Variants in PSG4 observed in about 807,000 individuals in gnomAD.
PSG4 encodes the protein pregnancy specific beta-1-glycoprotein 4, also known as pregnancy-specific beta-1-glycoprotein 4.
In PSG4, 61 loss-of-function variants were observed where a neutral mutation model predicts 44.3. That is an observed-to-expected ratio of 1.38 (90% CI 1.12 to 1.70). The LOEUF (loss-of-function observed/expected upper bound fraction) is 1.70, where lower values mean the gene tolerates loss of function less well. Among genes scored for constraint, PSG4 ranks in the 40% most tolerant of loss-of-function variants. The pLI, the probability that PSG4 is intolerant of heterozygous loss-of-function variation, is 0.00. For missense variants in PSG4, 677 were observed against 511.7 expected, an observed-to-expected ratio of 1.32 and a Z score of -3.12; for synonymous variants, 248 against 191.3, an observed-to-expected ratio of 1.30 and a Z score of -2.45.
rs766882285 is a variant in PSG4 at position 43,204,157 on chromosome 19, T to C, written c.159A>G (p.Leu53=). The change falls in exon 2 of 6, where the codon CTA becomes CTG. Residue 53 remains leucine, a synonymous_variant. Coordinates refer to ENST00000405312, the MANE Select transcript of PSG4 (RefSeq NM_002780.5). ...PKVSEGKDVL[L]LVHNLPQNLA... is the part of the protein sequence containing the mutation. ...GATTCTGGGGCAAATTGTGGACAAG[T>C]AGAAGAACATCCTTCCCCTCAGAAA... 1.3e-6 allele frequency: 2 copies of C among 1,587,254 alleles called. No individual in the cohort carries two copies. Among genetic ancestry groups the C allele is most frequent in the Non-Finnish European group, 8.5e-7 (1 of 1,171,612 alleles).
At chr19:43,203,212 C>G (rs759035251) in intron 2 of PSG4, 1 of 146,648 alleles carries the variant, frequency 6.8e-6, no homozygotes, top group South Asian at 2.1e-4. Flanking sequence ...CCTTCTGTTT[C>G]TGCTTCTGGG....
chr19:43,193,459 T>C (rs1967095988), intron 5 of PSG4, 71 bp from the exon 6 acceptor site: 1 of 763,406 alleles, frequency 1.3e-6, no homozygotes, highest in Non-Finnish European at 2.4e-6. Context: ...TACTACAGTT[T>C]TTATTTTCCA....
Position 43,195,387 on chromosome 19 carries a change from G to T in PSG4, c.710-114C>A, listed in dbSNP as rs1967198410. On this transcript the variant is annotated intron_variant, in intron 3 of 5. Coordinates refer to ENST00000405312, the MANE Select transcript of PSG4 (RefSeq NM_002780.5). ...TCTCAGCCCACCCGAGTCCTTGAAA[G>T]CCAATAGCTGGTGCTTCTGTCACAA... The T allele has an allele frequency of 2.7e-6, 4 of 1,475,014 alleles. No homozygotes were observed. In the East Asian group the frequency reaches 9.1e-5, roughly 33 times the overall value. The allele number at this position is 1,475,014 out of a possible 1,614,324, so 91.4% of individuals were successfully genotyped here.
chr19:43,194,776 A>T, intron 4 of PSG4, 182 bp from the exon 5 acceptor site: 1 of 1,412,524 alleles, frequency 7.1e-7, no homozygotes, highest in Non-Finnish European at 9.5e-7. Flanking sequence ...CACAAGTTTT[A>T]GGCCCCAAGT....
intron 2 of PSG4, among the ~76,000 whole-genome samples, chr19:43,201,863 C>G (rs1967527418): frequency 7.0e-6 from 1 of 143,294 alleles, no homozygotes; most frequent in Non-Finnish European, 1.5e-5. Context: ...AAGAACTTGT[C>G]TGGCAATTAT....
chr19:43,194,878 G>C (rs1276069335), intron 4 of PSG4, 117 bp downstream of exon 4: 14 of 1,536,136 alleles, frequency 9.1e-6, no homozygotes, highest in African/African-American at 1.4e-5. Flanking sequence ...TGGCCACCTC[G>C]GATGTCCAGA....
intron 3 of PSG4, 148 bp downstream of exon 3, chr19:43,197,849 T>A (rs1396758812): frequency 3.3e-6 from 5 of 1,504,018 alleles, no homozygotes; most frequent in Non-Finnish European, 4.5e-6. Context: ...CCTACTCTGG[T>A]TTGCCTGGGG....
rs867580428 is a variant in PSG4 at position 43,202,317 on chromosome 19, C to A, written c.430+1569G>T. On this transcript the variant is annotated intron_variant, in intron 2 of 5. Transcript: ENST00000405312. ...GTGCCCCAGTTCCACAGTCCAGGAC[C>A]AAGGAGCCCAGAGAACCCTCTGGTG... Among the ~76,000 whole-genome samples the A allele has an allele frequency of 4.0e-3, 568 of 143,000 alleles. 52 individuals carry two copies. The highest frequency in any genetic ancestry group is 0.015 in the African/African-American group (556 of 36,712). The allele number at this position is 143,000 out of a possible 152,430, so 93.8% of individuals were successfully genotyped here. A position where few individuals can be genotyped will look rare whatever the true frequency, so the allele number is the denominator to read the frequency against.
Position 43,203,889 on chromosome 19 carries a change from G to A in PSG4, c.427C>T (p.His143Tyr), listed in dbSNP as rs1397538520. 3.1e-5 allele frequency: 49 copies of A among 1,579,076 alleles called. 7 individuals are homozygous for A. Among genetic ancestry groups the A allele is most frequent in the Middle Eastern group, 1.7e-4 (1 of 5,950 alleles). The change falls in exon 2 of 6, where the codon CAC (histidine) becomes TAC (tyrosine). Residue 143 changes from histidine to tyrosine, a missense_variant. Transcript: ENST00000405312. ...GGGATCATGTGGAATCACTCACGGTGTAAGGTGAAGGTGAAATGTCCAGTT... is the reference window on the plus strand; with the variant it reads ...GGGATCATGTGGAATCACTCACGGTATAAGGTGAAGGTGAAATGTCCAGTT... Reference protein sequence around the residue: ...GVTGHFTFTLHLETPKPSISS... With the variant: ...GVTGHFTFTLYLETPKPSISS...
chr19:43,194,463 G>A lies in PSG4; in HGVS notation c.1120C>T (p.Leu374=). Residue 374 remains leucine (L), a synonymous_variant, in exon 5 of 6, where the codon CTA becomes TTA. Transcript: ENST00000405312. ...YSWTINGKFQ[L]SGQKLSIPQI... ...GGGATAGAGAGCTTTTGTCCTGATA[G>A]CTGAAACTTCCCATTAATTGTCCAA... The A allele has an allele frequency of 2.5e-6, 4 of 1,612,490 alleles. No homozygotes were observed. The highest frequency in any genetic ancestry group is 3.4e-6 in the Non-Finnish European group (4 of 1,179,128).
At position 43,195,367 on chromosome 19, in the gene PSG4, G is replaced by T. The variant is rs1452554802; in HGVS notation, c.710-94C>A. On this transcript the variant is annotated intron_variant, in intron 3 of 5. Coordinates refer to ENST00000405312, the MANE Select transcript of PSG4 (RefSeq NM_002780.5). Reference sequence around the variant, plus strand: ...CAGAGTTGGCATCTCCCACCTCTCAGCCCACCCGAGTCCTTGAAAGCCAAT... The same window carrying T: ...CAGAGTTGGCATCTCCCACCTCTCATCCCACCCGAGTCCTTGAAAGCCAAT... The T allele has an allele frequency of 1.4e-5, 22 of 1,528,108 alleles. 2 individuals carry two copies. Among genetic ancestry groups the T allele is most frequent in the Non-Finnish European group, 2.0e-5 (22 of 1,127,046 alleles). The allele number at this position is 1,528,108 out of a possible 1,614,324, so 94.7% of individuals were successfully genotyped here.
chr19:43,205,235 G>A (rs534572240), intron 1 of PSG4, among the ~76,000 whole-genome samples: 1 of 140,376 alleles, frequency 7.1e-6, no homozygotes, highest in Non-Finnish European at 1.5e-5. Context: ...AGCCTCCTGA[G>A]TAGCTATGAT....
At position 43,193,183 on chromosome 19, in the gene PSG4, T is replaced by G; in HGVS notation, c.*189A>C. On this transcript the variant is annotated 3_prime_UTR_variant, in exon 6 of 6. Coordinates refer to ENST00000405312, the MANE Select transcript of PSG4 (RefSeq NM_002780.5). ...TCAACTTGTTATCCTGGTTTACAGT[T>G]TGAGTAGCTGTTGTTATGGTGTCGA... is the stretch of plus-strand genomic sequence containing the variant. The G allele has an allele frequency of 1.3e-6, 1 of 747,186 alleles. No homozygotes were observed. Among genetic ancestry groups the G allele is most frequent in the South Asian group, 1.4e-5 (1 of 72,812 alleles). 46.3% of individuals were successfully genotyped at this position (747,186 alleles called of 1,614,324 possible). A position where few individuals can be genotyped will look rare whatever the true frequency, so the allele number is the denominator to read the frequency against.
At chr19:43,194,713 C>G in intron 4 of PSG4, 119 bp from the exon 5 acceptor site, 3 of 1,481,206 alleles carry the variant, frequency 2.0e-6, no homozygotes, top group Non-Finnish European at 2.7e-6. Context: ...CCCAGCCAAA[C>G]TCCCTCTATG....
At chr19:43,193,835 A>G (rs780889550) in intron 5 of PSG4, 7 of 585,518 alleles carry the variant, frequency 1.2e-5, no homozygotes, top group Non-Finnish European at 2.2e-5. Flanking sequence ...AAGAGAGCAG[A>G]TTGTTACTGT....
intron 5 of PSG4, 187 bp from the exon 6 acceptor site, chr19:43,193,575 T>C: frequency 1.6e-6 from 1 of 617,842 alleles, no homozygotes; most frequent in South Asian, 2.0e-5. Context: ...GGTCTGATTC[T>C]TTACATAAGT....
At position 43,200,493 on chromosome 19, in the gene PSG4, T is replaced by C. The variant is rs931726644; in HGVS notation, c.431-2218A>G. Among the ~76,000 whole-genome samples the C allele has an allele frequency of 7.6e-5, 11 of 145,630 alleles. 3 individuals carry two copies. The highest frequency in any genetic ancestry group is 2.9e-4 in the African/African-American group (11 of 37,968). On this transcript the variant is annotated intron_variant, in intron 2 of 5. Transcript: ENST00000405312. ...TTCCTGTTTCAGTTTTGGAAGTTTC[T>C]ATTGACACATCCTCAAGCTGGGGGT...
rs180863535 is a variant in PSG4, at chr19:43,192,915, T to A, written c.*457A>T. 6.2e-5 allele frequency: 24 copies of A among 385,646 alleles called. No homozygotes were observed. The highest frequency in any genetic ancestry group is 4.2e-4 in the African/African-American group (21 of 49,606). The allele number at this position is 385,646 out of a possible 1,614,324, so 23.9% of individuals were successfully genotyped here. ...GTTCATTTCTATTGGGAGCCCTGTATGCAAGATGGAGAGAGCCACATTTCC... is the reference window on the plus strand; with the variant it reads ...GTTCATTTCTATTGGGAGCCCTGTAAGCAAGATGGAGAGAGCCACATTTCC... On this transcript the variant is annotated 3_prime_UTR_variant, in exon 6 of 6. Coordinates refer to ENST00000405312, the MANE Select transcript of PSG4 (RefSeq NM_002780.5).
intron 2 of PSG4, among the ~76,000 whole-genome samples, chr19:43,200,505 C>T (rs1599776408): frequency 6.9e-6 from 1 of 145,242 alleles, no homozygotes; most frequent in Non-Finnish European, 1.5e-5. Context: ...TTGACACATC[C>T]TCAAGCTGGG....
Sources: gnomAD v4.1 joint callset for allele counts (sites outside exome capture counted in the v4.1 genomes callset) on GRCh38, gnomAD v4.1.1 for gene constraint, MANE v1.5 for transcripts, NCBI Gene and HGNC (gene_info 2026-07-23, HGNC 2026-07-21) for gene names.